CDH18: variants seen among roughly 807,000 people sequenced by gnomAD.
The protein encoded by CDH18 is cadherin-18.
CDH18 carries 31 observed loss-of-function variants against 67.9 expected under a neutral mutation model. The ratio of observed to expected loss-of-function variants is 0.46; its 90% CI spans 0.34 to 0.62. CDH18 has a LOEUF of 0.62. CDH18 is among the 20% of genes least tolerant of loss of function. CDH18 has a pLI of 0.01. For synonymous variants in CDH18, 362 were observed against 347.2 expected, an observed-to-expected ratio of 1.04 and a Z score of -0.48; for missense variants, 890 against 975.5, an observed-to-expected ratio of 0.91 and a Z score of 1.17.
chr5:20,166,042 T>G (rs1053164217), intron 2 of CDH18, among the ~76,000 whole-genome samples: 1 of 152,174 alleles, frequency 6.6e-6, no homozygotes, highest in Non-Finnish European at 1.5e-5. Context: ...CCACATTGCT[T>G]AGGCAATTAA....
chr5:19,767,563 G>C (rs1370987899), intron 3 of CDH18, among the ~76,000 whole-genome samples: 1 of 152,026 alleles, frequency 6.6e-6, no homozygotes. Context: ...AAAAGTCATA[G>C]AGAAATTAAA....
intron 1 of CDH18, among the ~76,000 whole-genome samples, chr5:20,345,599 A>G (rs930091972): frequency 4.6e-5 from 7 of 151,832 alleles, no homozygotes; most frequent in African/African-American, 1.7e-4. Flanking sequence ...TGGCTTTTTT[A>G]TATTAGTTTT....
intron 2 of CDH18, among the ~76,000 whole-genome samples, chr5:19,962,507 C>T (rs1438600596): frequency 6.6e-6 from 1 of 151,434 alleles, no homozygotes; most frequent in Non-Finnish European, 1.5e-5. Flanking sequence ...GGCGTGGTGG[C>T]TCATGCCTGT....
chr5:19,909,287 G>A lies in CDH18; in HGVS notation c.-256-70045C>T, dbSNP rs936801647. Among the ~76,000 whole-genome samples the A allele has an allele frequency of 5.7e-4, 83 of 145,320 alleles. 1 individual carries two copies. Among genetic ancestry groups the A allele is most frequent in the African/African-American group, 2.1e-3 (83 of 38,916 alleles). On this transcript the variant is annotated intron_variant, in intron 2 of 12. Coordinates refer to ENST00000382275, the MANE Select transcript of CDH18 (RefSeq NM_004934.5). ...AGGTAAAGAAAAGAACGCAAGTAAAGTGGTTTCCTTCACTTTTTTTTTTTT... is the reference window on the plus strand; with the variant it reads ...AGGTAAAGAAAAGAACGCAAGTAAAATGGTTTCCTTCACTTTTTTTTTTTT...
At chr5:20,220,785 AT>A (rs1361064133) in intron 2 of CDH18, among the ~76,000 whole-genome samples, 3 of 152,070 alleles carry the variant, frequency 2.0e-5, no homozygotes, top group South Asian at 2.1e-4. Flanking sequence ...AGGAAAAAAA[AT>A]AATAATCCAA....
intron 3 of CDH18, among the ~76,000 whole-genome samples, chr5:19,759,370 TA>T (rs1256144170): frequency 6.6e-6 from 1 of 152,174 alleles, no homozygotes; most frequent in East Asian, 1.9e-4. Flanking sequence ...TTACTATTTT[TA>T]TAGGTAGAGG....
chr5:19,915,454 GC>G (rs1238605471), intron 2 of CDH18, among the ~76,000 whole-genome samples: 4 of 152,050 alleles, frequency 2.6e-5, no homozygotes, highest in African/African-American at 9.7e-5. Flanking sequence ...TTGACTGGAA[GC>G]CTTCCTGATA....
intron 7 of CDH18, 124 bp downstream of exon 7, chr5:19,590,933 G>A (rs1010308980): frequency 7.1e-5 from 39 of 546,814 alleles, no homozygotes; most frequent in Middle Eastern, 5.0e-4. Context: ...TAATTATATC[G>A]CAAAGTGACA....
At chr5:20,548,315 A>G (rs561387249) in intron 1 of CDH18, among the ~76,000 whole-genome samples, 17 of 151,906 alleles carry the variant, frequency 1.1e-4, no homozygotes, top group Non-Finnish European at 5.9e-5. Flanking sequence ...TTTATTCAAG[A>G]TAAGTCTGCC....
chr5:19,759,292 A>T (rs534145474), intron 3 of CDH18, among the ~76,000 whole-genome samples: 2 of 152,172 alleles, frequency 1.3e-5, no homozygotes, highest in Non-Finnish European at 2.9e-5. Flanking sequence ...CCACCCTTGC[A>T]TCTTTCAACT....
At chr5:20,018,512 T>C (rs1159057785) in intron 2 of CDH18, among the ~76,000 whole-genome samples, 2 of 152,202 alleles carry the variant, frequency 1.3e-5, no homozygotes, top group African/African-American at 2.4e-5. Context: ...TTCATGTACA[T>C]AAAGTATGCC....
intron 1 of CDH18, among the ~76,000 whole-genome samples, chr5:20,332,955 C>T (rs957891156): frequency 9.2e-5 from 14 of 152,076 alleles, no homozygotes; most frequent in Non-Finnish European, 1.5e-4. Flanking sequence ...CATAGCTTTG[C>T]GATACAGGAG....
At chr5:19,717,149 A>AT in intron 5 of CDH18, among the ~76,000 whole-genome samples, 1 of 152,032 alleles carries the variant, frequency 6.6e-6, no homozygotes, top group Non-Finnish European at 1.5e-5. Flanking sequence ...ATACTCCTGT[A>AT]TTTTTCGTGA....
intron 2 of CDH18, among the ~76,000 whole-genome samples, chr5:19,886,677 T>C (rs951243642): frequency 1.3e-5 from 2 of 152,178 alleles, no homozygotes; most frequent in Non-Finnish European, 2.9e-5. Flanking sequence ...CTTGTTTCAA[T>C]ATACACTTCA....
At chr5:20,403,162 A>C (rs986567266) in intron 1 of CDH18, among the ~76,000 whole-genome samples, 1 of 152,148 alleles carries the variant, frequency 6.6e-6, no homozygotes, top group African/African-American at 2.4e-5. Flanking sequence ...TGTTTTACTA[A>C]TGTTCTTTCT....
intron 1 of CDH18, among the ~76,000 whole-genome samples, chr5:20,541,360 T>C (rs1180418722): frequency 1.3e-5 from 2 of 152,140 alleles, no homozygotes; most frequent in Non-Finnish European, 2.9e-5. Context: ...CTATGGAAGA[T>C]CTGTTAGTAA....
intron 3 of CDH18, among the ~76,000 whole-genome samples, chr5:19,807,701 C>T (rs1451067010): frequency 1.3e-5 from 2 of 152,196 alleles, no homozygotes; most frequent in Non-Finnish European, 2.9e-5. Flanking sequence ...CCACACAAAA[C>T]ACATCAGCAT....
intron 1 of CDH18, among the ~76,000 whole-genome samples, chr5:20,403,288 C>CTGTT (rs1483887133): frequency 6.6e-6 from 1 of 151,860 alleles, no homozygotes; most frequent in African/African-American, 2.4e-5. Flanking sequence ...TTTTCTCCAA[C>CTGTT]TGTTAGTGTA....
intron 2 of CDH18, among the ~76,000 whole-genome samples, chr5:20,011,609 A>G (rs1561712000): frequency 6.6e-6 from 1 of 152,036 alleles, no homozygotes; most frequent in South Asian, 2.1e-4. Flanking sequence ...CATGGCTCTT[A>G]TTATTTTAAG....
Sources: gnomAD v4.1 joint callset for allele counts (sites outside exome capture counted in the v4.1 genomes callset) on GRCh38, gnomAD v4.1.1 for gene constraint, MANE v1.5 for transcripts, NCBI Gene and HGNC (gene_info 2026-07-23, HGNC 2026-07-21) for gene names.